DLGAP1: variants seen among roughly 807,000 people sequenced by gnomAD.
The protein encoded by DLGAP1 is disks large-associated protein 1.
A neutral mutation model predicts 90.8 loss-of-function variants in DLGAP1; 11 were observed. That is an observed-to-expected ratio of 0.12 (90% CI 0.08 to 0.20). The LOEUF (loss-of-function observed/expected upper bound fraction) is 0.20, where lower values mean the gene tolerates loss of function less well. Among genes scored for constraint, DLGAP1 ranks in the 10% least tolerant of loss-of-function variants. The pLI, the probability that DLGAP1 is intolerant of heterozygous loss-of-function variation, is 1.00. For missense variants in DLGAP1, 1,050 were observed against 1,333.8 expected, an observed-to-expected ratio of 0.79 and a Z score of 3.31; for synonymous variants, 558 against 540.7, an observed-to-expected ratio of 1.03 and a Z score of -0.44.
At chr18:3,703,914 C>T (rs1319697783) in intron 7 of DLGAP1, among the ~76,000 whole-genome samples, 2 of 152,186 alleles carry the variant, frequency 1.3e-5, no homozygotes, top group Non-Finnish European at 2.9e-5. Context: ...TTCCTCCCCA[C>T]GTTCCCCTTC....
At chr18:3,747,610 A>G (rs1393275162) in intron 5 of DLGAP1, among the ~76,000 whole-genome samples, 2 of 152,194 alleles carry the variant, frequency 1.3e-5, no homozygotes, top group Non-Finnish European at 2.9e-5. Flanking sequence ...AATGGTGTAT[A>G]TTCAAAGAAG....
intron 7 of DLGAP1, chr18:3,608,374 C>G (rs2057429312): frequency 6.6e-6 from 1 of 152,026 alleles, no homozygotes; most frequent in South Asian, 2.1e-4. Flanking sequence ...GGAAGAAAGG[C>G]CAGCTGTAAT....
At chr18:3,551,493 C>CA (rs2053418686) in intron 9 of DLGAP1, among the ~76,000 whole-genome samples, 1 of 152,022 alleles carries the variant, frequency 6.6e-6, no homozygotes, top group Admixed American at 6.6e-5. Context: ...AGGTGATCTG[C>CA]CCTCCTGGCT....
intron 1 of DLGAP1, among the ~76,000 whole-genome samples, chr18:4,185,805 AT>A (rs2077283785): frequency 6.6e-6 from 1 of 152,160 alleles, no homozygotes; most frequent in South Asian, 2.1e-4. Context: ...TACACTAGCA[AT>A]GGGATTGCTG....
intron 7 of DLGAP1, among the ~76,000 whole-genome samples, chr18:3,680,649 C>T (rs1017954467): frequency 4.0e-5 from 6 of 151,870 alleles, no homozygotes; most frequent in Admixed American, 6.6e-5. Flanking sequence ...ATTAGCTGGG[C>T]GTGATGGCGG....
chr18:3,903,565 G>C (rs1236123613), intron 3 of DLGAP1, among the ~76,000 whole-genome samples: 1 of 152,078 alleles, frequency 6.6e-6, no homozygotes, highest in Admixed American at 6.6e-5. Flanking sequence ...TTAAACCTCA[G>C]ATGAATCACA....
intron 1 of DLGAP1, among the ~76,000 whole-genome samples, chr18:4,368,797 C>G (rs1038465092): frequency 5.3e-5 from 8 of 150,888 alleles, no homozygotes; most frequent in Non-Finnish European, 1.0e-4. Context: ...TTAATAATGC[C>G]CAATATAATA....
intron 3 of DLGAP1, among the ~76,000 whole-genome samples, chr18:3,996,973 T>C (rs1294409403): frequency 1.3e-5 from 2 of 151,938 alleles, no homozygotes; most frequent in Non-Finnish European, 2.9e-5. Flanking sequence ...TTTATAAATT[T>C]TTAGTAACTT....
chr18:3,808,669 G>A lies in DLGAP1; in HGVS notation c.1172+5390C>T, dbSNP rs2066682521. Among the ~76,000 whole-genome samples, 7 of 152,234 alleles carry A rather than the reference G, an allele frequency of 4.6e-5. No individual in the cohort carries two copies. In the South Asian group the frequency reaches 1.5e-3, roughly 32 times the overall value. ...ATATCTTTGGGGAAAAAATAGCGAT[G>A]CTCCAATCTTCATCCCATCCCCCTC... is the stretch of plus-strand genomic sequence containing the variant. On this transcript the variant is annotated intron_variant, in intron 5 of 12. Transcript: ENST00000315677.
intron 2 of DLGAP1, among the ~76,000 whole-genome samples, chr18:4,074,144 A>T (rs1232051802): frequency 6.6e-6 from 1 of 152,186 alleles, no homozygotes; most frequent in Non-Finnish European, 1.5e-5. Flanking sequence ...TATGTAGAAT[A>T]AAGACCAATA....
chr18:3,744,364 A>C (rs1368297108), intron 5 of DLGAP1, among the ~76,000 whole-genome samples: 1 of 152,206 alleles, frequency 6.6e-6, no homozygotes, highest in African/African-American at 2.4e-5. Flanking sequence ...ATTGCAAAAC[A>C]TAAAATACAC....
intron 1 of DLGAP1, among the ~76,000 whole-genome samples, chr18:4,403,123 G>T (rs1376885941): frequency 6.6e-6 from 1 of 152,108 alleles, no homozygotes; most frequent in Admixed American, 6.6e-5. Flanking sequence ...TTCTGATTTA[G>T]AAATGTTGGC....
intron 7 of DLGAP1, among the ~76,000 whole-genome samples, chr18:3,643,266 A>G (rs1158208434): frequency 6.6e-6 from 1 of 151,266 alleles, no homozygotes; most frequent in Non-Finnish European, 1.5e-5. Flanking sequence ...AAGAAAGGAA[A>G]GAAAGAAAGA....
intron 4 of DLGAP1, among the ~76,000 whole-genome samples, chr18:3,833,600 G>A (rs1405000068): frequency 1.3e-5 from 2 of 152,108 alleles, no homozygotes; most frequent in African/African-American, 4.8e-5. Flanking sequence ...CAAACAAAAA[G>A]ATAATTATTT....
intron 10 of DLGAP1, among the ~76,000 whole-genome samples, chr18:3,511,578 C>G (rs1278964584): frequency 6.6e-6 from 1 of 151,808 alleles, no homozygotes; most frequent in Admixed American, 6.6e-5. Context: ...ACAGTTGGCT[C>G]TCTGTTTCCA....
intron 1 of DLGAP1, among the ~76,000 whole-genome samples, chr18:4,415,613 TTAA>T (rs2082882759): frequency 6.6e-6 from 1 of 152,208 alleles, no homozygotes; most frequent in South Asian, 2.1e-4. Flanking sequence ...TTTTCTACTG[TTAA>T]TAAATCAGCT....
chr18:3,900,367 A>C (rs1194958387), intron 3 of DLGAP1, among the ~76,000 whole-genome samples: 1 of 152,238 alleles, frequency 6.6e-6, no homozygotes, highest in Admixed American at 6.5e-5. Flanking sequence ...TTTCCAGCAC[A>C]GATGTCTGTA....
intron 2 of DLGAP1, among the ~76,000 whole-genome samples, chr18:4,135,477 T>C (rs1340660053): frequency 6.6e-6 from 1 of 152,220 alleles, no homozygotes; most frequent in East Asian, 1.9e-4. Flanking sequence ...TTTAAACATT[T>C]AGTAACTGCT....
chr18:3,719,575 A>AG (rs1180340740), intron 7 of DLGAP1, among the ~76,000 whole-genome samples: 102 of 150,986 alleles, frequency 6.8e-4, no homozygotes, highest in African/African-American at 2.4e-3. Context: ...AAAAAAAAAA[A>AG]AAAGAAAGAA....
Sources: gnomAD v4.1 joint callset for allele counts (sites outside exome capture counted in the v4.1 genomes callset) on GRCh38, gnomAD v4.1.1 for gene constraint, MANE v1.5 for transcripts, NCBI Gene and HGNC (gene_info 2026-07-23, HGNC 2026-07-21) for gene names.